TNR: variants seen among roughly 807,000 people sequenced by gnomAD.
TNR encodes the protein tenascin R, also known as tenascin-R.
A neutral mutation model predicts 150.4 loss-of-function variants in TNR; 45 were observed. The observed-to-expected ratio is 0.30, with a 90% CI of 0.24 to 0.38. The LOEUF (loss-of-function observed/expected upper bound fraction) is 0.38, where lower values mean the gene tolerates loss of function less well. Ranked by LOEUF, TNR falls within the 10% of genes least tolerant of loss-of-function variation. TNR has a pLI of 1.00. For missense variants in TNR, 1,544 were observed against 1,759.1 expected, an observed-to-expected ratio of 0.88 and a Z score of 2.19; for synonymous variants, 687 against 678.4, an observed-to-expected ratio of 1.01 and a Z score of -0.20.
chr1:175,390,734 T>A (rs1485381), intron 7 of TNR, among the ~76,000 whole-genome samples: 100,173 of 151,536 alleles, frequency 0.66, 33,288 homozygotes, highest in East Asian at 0.83. Flanking sequence ...CACTTCTGAG[T>A]ATGTTCTGAG....
At chr1:175,537,226 A>G (rs1296481437) in intron 1 of TNR, among the ~76,000 whole-genome samples, 1 of 152,220 alleles carries the variant, frequency 6.6e-6, no homozygotes, top group African/African-American at 2.4e-5. Flanking sequence ...GTCTTAAGAC[A>G]TGTGCTCTCC....
At chr1:175,367,810 CT>C (rs528262083) in intron 9 of TNR, among the ~76,000 whole-genome samples, 2 of 152,042 alleles carry the variant, frequency 1.3e-5, no homozygotes, top group Non-Finnish European at 2.9e-5. Context: ...AGTGGATGGA[CT>C]TTTTTTTCTA....
chr1:175,740,038 G>A (rs1177014354), intron 1 of TNR, among the ~76,000 whole-genome samples: 5 of 152,206 alleles, frequency 3.3e-5, no homozygotes, highest in South Asian at 2.1e-4. Context: ...CTATAAATGC[G>A]GTTGAAATGA....
chr1:175,552,283 T>C (rs1376168538), intron 1 of TNR, among the ~76,000 whole-genome samples: 1 of 152,226 alleles, frequency 6.6e-6, no homozygotes, highest in East Asian at 1.9e-4. Context: ...CTGATAACTT[T>C]AACCTGACTT....
rs537180477 is a variant in TNR, at chr1:175,469,411, T to C, written c.-64+58858A>G. Among the ~76,000 whole-genome samples the C allele has an allele frequency of 8.9e-4, 135 of 152,252 alleles. No homozygotes were observed. The Middle Eastern group carries it at 0.01, about 12-fold the overall frequency. On this transcript the variant is annotated intron_variant, in intron 2 of 22. Transcript: ENST00000367674. ...GTATGCTCAGTACAACTATCACTAG[T>C]AGCAAATGGGTAATTAATGGTGTGT...
intron 2 of TNR, among the ~76,000 whole-genome samples, chr1:175,426,074 A>C (rs866163708): frequency 2.5e-4 from 38 of 152,188 alleles, no homozygotes; most frequent in Admixed American, 1.2e-3. Context: ...GGAAGCTGTA[A>C]CAGGAGCCTG....
intron 2 of TNR, among the ~76,000 whole-genome samples, chr1:175,464,890 G>C (rs191251379): frequency 1.3e-5 from 2 of 152,148 alleles, no homozygotes; most frequent in South Asian, 2.1e-4. Flanking sequence ...CCACCAGTTC[G>C]CTGCTAGAGA....
intron 2 of TNR, among the ~76,000 whole-genome samples, chr1:175,432,670 T>A (rs780320376): frequency 6.9e-6 from 1 of 145,910 alleles, no homozygotes; most frequent in Non-Finnish European, 1.5e-5. Context: ...TTGCTGAGTA[T>A]TTTTTTTTAT....
intron 7 of TNR, among the ~76,000 whole-genome samples, chr1:175,388,178 T>C (rs1361305124): frequency 6.6e-6 from 1 of 151,994 alleles, no homozygotes; most frequent in Admixed American, 6.6e-5. Flanking sequence ...TCAGTAAATG[T>C]GTGTCGAGTA....
intron 1 of TNR, among the ~76,000 whole-genome samples, chr1:175,706,355 C>G (rs1666842088): frequency 6.6e-6 from 1 of 152,132 alleles, no homozygotes; most frequent in South Asian, 2.1e-4. Context: ...CATCATTACC[C>G]CCACTCCATA....
intron 1 of TNR, among the ~76,000 whole-genome samples, chr1:175,631,834 G>T (rs1664337867): frequency 6.6e-6 from 1 of 152,124 alleles, no homozygotes; most frequent in Non-Finnish European, 1.5e-5. Flanking sequence ...GGAGCAGAAA[G>T]ATATTAGCTC....
At position 175,602,922 on chromosome 1, in the gene TNR, T is replaced by C. The variant is rs905107429; in HGVS notation, c.-164-74553A>G. On this transcript the variant is annotated intron_variant, in intron 1 of 22. Coordinates refer to ENST00000367674, the MANE Select transcript of TNR (RefSeq NM_003285.3). ...ACTAATTTTCCCTGTAATATATTTTTATTCAACTTATTTTTTCTTTGTCTT... is the reference window on the plus strand; with the variant it reads ...ACTAATTTTCCCTGTAATATATTTTCATTCAACTTATTTTTTCTTTGTCTT... Among the ~76,000 whole-genome samples the C allele has an allele frequency of 2.6e-5, 4 of 152,258 alleles. 1 individual carries two copies. In the South Asian group the frequency reaches 8.3e-4, roughly 31 times the overall value.
intron 2 of TNR, among the ~76,000 whole-genome samples, chr1:175,441,693 C>T (rs1655794803): frequency 6.6e-6 from 1 of 152,060 alleles, no homozygotes; most frequent in African/African-American, 2.4e-5. Context: ...TTATAGAAAT[C>T]ACTACAATTC....
rs1180235849 is a variant in TNR, at chr1:175,379,590, G to T, written c.1925C>A (p.Pro642His). ...CCTGGTGGTTGGACCAATGCCCCTG[G>T]GGACCAGTACCTCATGATATTGCTC... ...AGEQYHEVLV[P>H]RGIGPTTRAT... The change falls in exon 9 of 23, where the codon CCC becomes CAC. Residue 642 changes from proline (P) to histidine (H), a missense_variant. Pro to His is a moderately conservative substitution (Grantham distance 77). Transcript: ENST00000367674. 6.2e-7 allele frequency: 1 copy of T among 1,613,924 alleles called. No individual in the cohort carries two copies. Among genetic ancestry groups the T allele is most frequent in the Non-Finnish European group, 8.5e-7 (1 of 1,179,998 alleles).
At chr1:175,493,394 T>C (rs893459951) in intron 2 of TNR, among the ~76,000 whole-genome samples, 5 of 152,176 alleles carry the variant, frequency 3.3e-5, no homozygotes, top group Non-Finnish European at 5.9e-5. Context: ...TCCTTGCTAA[T>C]AGAACATGCA....
chr1:175,354,822 T>C (rs1557881228), intron 17 of TNR, among the ~76,000 whole-genome samples: 1 of 152,334 alleles, frequency 6.6e-6, no homozygotes, highest in East Asian at 1.9e-4. Flanking sequence ...GAGAAAGAGC[T>C]GAGGAAGTGG....
intron 9 of TNR, among the ~76,000 whole-genome samples, chr1:175,372,065 T>A (rs1652132478): frequency 6.6e-6 from 1 of 152,224 alleles, no homozygotes; most frequent in Middle Eastern, 3.4e-3. Flanking sequence ...TCTCGTGAGA[T>A]CTGGTTGTTT....
chr1:175,372,382 A>T (rs1481462920), intron 9 of TNR, among the ~76,000 whole-genome samples: 1 of 152,108 alleles, frequency 6.6e-6, no homozygotes, highest in East Asian at 1.9e-4. Flanking sequence ...AGCAGGGAGA[A>T]GATCAGCATG....
chr1:175,604,749 C>T (rs549770506), intron 1 of TNR, among the ~76,000 whole-genome samples: 1 of 152,324 alleles, frequency 6.6e-6, no homozygotes, highest in Non-Finnish European at 1.5e-5. Context: ...AAAGGCAGCT[C>T]CTGTGCACCT....
Sources: gnomAD v4.1 joint callset for allele counts (sites outside exome capture counted in the v4.1 genomes callset) on GRCh38, gnomAD v4.1.1 for gene constraint, MANE v1.5 for transcripts, NCBI Gene and HGNC (gene_info 2026-07-23, HGNC 2026-07-21) for gene names.